The following PRKCE variants were observed in gnomAD, a reference collection of about 807,000 sequenced individuals.
PRKCE encodes protein kinase C epsilon type.
Under a neutral mutation model 85.4 loss-of-function variants are expected in PRKCE, and 16 were observed. The observed-to-expected ratio is 0.19, with a 90% CI of 0.13 to 0.28. The LOEUF is 0.28. Among genes scored for constraint, PRKCE ranks in the 10% least tolerant of loss-of-function variants. The probability of loss-of-function intolerance (pLI) is 1.00; values close to 1 mark genes in which losing one functional copy is unlikely to be tolerated. For missense variants in PRKCE, 573 were observed against 975.2 expected, an observed-to-expected ratio of 0.59 and a Z score of 5.49; for synonymous variants, 388 against 371.5, an observed-to-expected ratio of 1.04 and a Z score of -0.51.
At chr2:45,993,204 G>A (rs1703949774) in intron 6 of PRKCE, among the ~76,000 whole-genome samples, 1 of 152,274 alleles carries the variant, frequency 6.6e-6, no homozygotes, top group South Asian at 2.1e-4. Context: ...TGCATCTCAG[G>A]TTTCTTTTGG....
intron 1 of PRKCE, among the ~76,000 whole-genome samples, chr2:45,797,529 G>C (rs917893732): frequency 2.0e-5 from 3 of 152,210 alleles, no homozygotes; most frequent in Non-Finnish European, 4.4e-5. Context: ...CAGGCTTCTT[G>C]CACGCACCAG....
chr2:45,667,003 G>A (rs1407511460), intron 1 of PRKCE, among the ~76,000 whole-genome samples: 2 of 152,100 alleles, frequency 1.3e-5, no homozygotes, highest in African/African-American at 4.8e-5. Context: ...ACCATGCCTA[G>A]CTAATTTTTA....
intron 1 of PRKCE, among the ~76,000 whole-genome samples, chr2:45,703,891 G>C (rs1158061041): frequency 6.6e-6 from 1 of 152,126 alleles, no homozygotes; most frequent in Non-Finnish European, 1.5e-5. Context: ...AGCTAAAATA[G>C]CTTGTTTTAT....
intron 11 of PRKCE, among the ~76,000 whole-genome samples, chr2:46,144,302 A>G (rs1040897163): frequency 2.0e-5 from 3 of 152,128 alleles, no homozygotes; most frequent in African/African-American, 7.2e-5. Flanking sequence ...CCCCTAGGAA[A>G]GTGATCTTAC....
chr2:45,739,224 G>C (rs570557266), intron 1 of PRKCE, among the ~76,000 whole-genome samples: 15 of 152,320 alleles, frequency 9.8e-5, no homozygotes, highest in African/African-American at 3.1e-4. Flanking sequence ...GGGAAGGCCC[G>C]TCTTTGGTCC....
intron 2 of PRKCE, among the ~76,000 whole-genome samples, chr2:45,855,477 G>A (rs1692598193): frequency 1.3e-5 from 2 of 152,184 alleles, no homozygotes; most frequent in Admixed American, 1.3e-4. Context: ...AGAGTTTTTA[G>A]AAGTGAAAAA....
chr2:45,702,881 G>A (rs1225585647), intron 1 of PRKCE, among the ~76,000 whole-genome samples: 1 of 152,176 alleles, frequency 6.6e-6, no homozygotes, highest in Non-Finnish European at 1.5e-5. Context: ...AGCTCTGCTA[G>A]AACTGAAGTT....
At chr2:45,921,223 C>T (rs1158060876) in intron 2 of PRKCE, among the ~76,000 whole-genome samples, 2 of 152,196 alleles carry the variant, frequency 1.3e-5, no homozygotes, top group African/African-American at 4.8e-5. Context: ...TCGTAGAATT[C>T]CTAAAGTTCT....
At chr2:45,767,372 A>C (rs1684995106) in intron 1 of PRKCE, among the ~76,000 whole-genome samples, 1 of 152,214 alleles carries the variant, frequency 6.6e-6, no homozygotes, top group Non-Finnish European at 1.5e-5. Flanking sequence ...CAGAATTTGG[A>C]AGAATGTTTA....
chr2:45,927,250 A>T (rs1181098578), intron 2 of PRKCE, among the ~76,000 whole-genome samples: 1 of 152,200 alleles, frequency 6.6e-6, no homozygotes, highest in African/African-American at 2.4e-5. Context: ...TTGTAAAGAT[A>T]TAATTTGTGA....
chr2:46,149,464 C>G (rs1369612655), intron 12 of PRKCE, among the ~76,000 whole-genome samples: 1 of 152,170 alleles, frequency 6.6e-6, no homozygotes, highest in African/African-American at 2.4e-5. Flanking sequence ...TAATCCCACT[C>G]TAATAAGAAG....
At chr2:45,934,581 G>A (rs967512737) in intron 2 of PRKCE, among the ~76,000 whole-genome samples, 4 of 150,508 alleles carry the variant, frequency 2.7e-5, no homozygotes, top group Non-Finnish European at 5.9e-5. Flanking sequence ...GCCACAAGGC[G>A]GAGGCTGCAG....
chr2:45,708,600 G>A (rs193088773), intron 1 of PRKCE, among the ~76,000 whole-genome samples: 2 of 152,328 alleles, frequency 1.3e-5, no homozygotes, highest in Admixed American at 6.5e-5. Flanking sequence ...CCCCAGCCAC[G>A]TGGAACTGTA....
At chr2:45,916,303 G>C (rs751770687) in intron 2 of PRKCE, among the ~76,000 whole-genome samples, 12 of 148,408 alleles carry the variant, frequency 8.1e-5, no homozygotes, top group Non-Finnish European at 1.5e-4. Context: ...GTAGTGGTGT[G>C]AACACGGCTC....
At chr2:46,181,560 T>C (rs1019437817) in intron 14 of PRKCE, among the ~76,000 whole-genome samples, 1 of 152,208 alleles carries the variant, frequency 6.6e-6, no homozygotes, top group Non-Finnish European at 1.5e-5. Context: ...ACTAGCAGTA[T>C]TGACTGAGCC....
chr2:46,090,209 C>T (rs1868271), intron 11 of PRKCE, among the ~76,000 whole-genome samples: 88,053 of 151,884 alleles, frequency 0.58, 27,519 homozygotes, highest in Non-Finnish European at 0.71. Flanking sequence ...ATTCAATAGA[C>T]CTGATATATG....
chr2:45,956,174 C>G (rs1431351692), intron 2 of PRKCE, among the ~76,000 whole-genome samples: 1 of 152,194 alleles, frequency 6.6e-6, no homozygotes. Context: ...GAATAGAACT[C>G]CGCACTTTAT....
At chr2:46,039,529 T>G (rs1050817697) in intron 10 of PRKCE, among the ~76,000 whole-genome samples, 10 of 152,100 alleles carry the variant, frequency 6.6e-5, no homozygotes, top group Admixed American at 2.0e-4. Context: ...TGTTGTTGTT[T>G]TTTTGTTTGT....
At chr2:46,044,952 C>T (rs561888324) in intron 10 of PRKCE, among the ~76,000 whole-genome samples, 5 of 152,276 alleles carry the variant, frequency 3.3e-5, no homozygotes, top group East Asian at 3.9e-4. Flanking sequence ...CTATATACTT[C>T]GTTATGTATA....
Sources: allele counts gnomAD v4.1 joint callset (sites outside exome capture counted in the v4.1 genomes callset), GRCh38; gene constraint gnomAD v4.1.1; transcripts MANE v1.5; gene names NCBI Gene and HGNC (gene_info 2026-07-23, HGNC 2026-07-21).